Variants in RGS7 observed in about 807,000 individuals in gnomAD.
The protein encoded by RGS7 is regulator of G-protein signaling 7.
Under a neutral mutation model 81.1 loss-of-function variants are expected in RGS7, and 27 were observed. The observed-to-expected ratio is 0.33, with a 90% confidence interval of 0.25 to 0.46. RGS7 has a LOEUF of 0.46. Ranked by LOEUF, RGS7 falls within the 20% of genes least tolerant of loss-of-function variation. The probability of loss-of-function intolerance (pLI) is 1.00; values close to 1 mark genes in which losing one functional copy is unlikely to be tolerated. For synonymous variants in RGS7, 208 were observed against 207.7 expected (o/e 1.00, Z -0.01); for missense variants, 396 against 607.4 (o/e 0.65, Z 3.66).
chr1:241,124,706 C>T (rs562653258), intron 2 of RGS7, among the ~76,000 whole-genome samples: 8 of 152,272 alleles, frequency 5.3e-5, no homozygotes, highest in Non-Finnish European at 7.4e-5. Context: ...GCCCAGTGCA[C>T]GGGGCCCATT....
intron 2 of RGS7, among the ~76,000 whole-genome samples, chr1:241,352,493 T>A (rs769186511): frequency 5.3e-5 from 8 of 152,216 alleles, no homozygotes; most frequent in Non-Finnish European, 1.2e-4. Flanking sequence ...GGCAAATAAT[T>A]TGCCTATAAG....
At chr1:241,326,128 G>A (rs1032112034) in intron 2 of RGS7, among the ~76,000 whole-genome samples, 1 of 152,144 alleles carries the variant, frequency 6.6e-6, no homozygotes, top group Non-Finnish European at 1.5e-5. Context: ...CGCCTAGGAT[G>A]TGTACTCAAA....
chr1:241,244,663 T>C (rs1257148728), intron 2 of RGS7, among the ~76,000 whole-genome samples: 1 of 152,104 alleles, frequency 6.6e-6, no homozygotes, highest in Non-Finnish European at 1.5e-5. Flanking sequence ...ACACATATGT[T>C]TATTGTGGCA....
At chr1:240,778,607 A>G (rs1683395379) in intron 18 of RGS7, among the ~76,000 whole-genome samples, 1 of 152,184 alleles carries the variant, frequency 6.6e-6, no homozygotes, top group Admixed American at 6.5e-5. Context: ...ATCTCGGCTC[A>G]CTGCAACCTG....
intron 6 of RGS7, among the ~76,000 whole-genome samples, chr1:240,880,196 C>T (rs1666133442): frequency 6.6e-6 from 1 of 152,188 alleles, no homozygotes; most frequent in Non-Finnish European, 1.5e-5. Context: ...GCACATGCCA[C>T]CATGCCTGGC....
chr1:241,193,267 C>G (rs2147799939), intron 2 of RGS7, among the ~76,000 whole-genome samples: 1 of 152,300 alleles, frequency 6.6e-6, no homozygotes, highest in Middle Eastern at 3.4e-3. Context: ...TTATTCAAAC[C>G]TAATTCTCCC....
intron 3 of RGS7, among the ~76,000 whole-genome samples, chr1:241,004,006 G>A (rs571008826): frequency 3.2e-4 from 48 of 152,208 alleles, no homozygotes; most frequent in African/African-American, 1.1e-3. Flanking sequence ...CTGAGCCACC[G>A]TGCCCGGCCA....
intron 18 of RGS7, among the ~76,000 whole-genome samples, chr1:240,792,076 G>C (rs12411131): frequency 0.53 from 80,029 of 151,986 alleles, 23,553 homozygotes; most frequent in Non-Finnish European, 0.66. Context: ...ATGAGATTCA[G>C]ATCATTTTGA....
chr1:241,266,425 C>A (rs1012695730), intron 2 of RGS7, among the ~76,000 whole-genome samples: 9 of 152,160 alleles, frequency 5.9e-5, no homozygotes, highest in Non-Finnish European at 1.5e-5. Context: ...TTCGGTATTG[C>A]CAAGATCACA....
chr1:240,812,736 A>T (rs559455931), intron 13 of RGS7, among the ~76,000 whole-genome samples: 4 of 152,286 alleles, frequency 2.6e-5, no homozygotes, highest in African/African-American at 9.6e-5. Context: ...TGCCAGGCAC[A>T]CATTTCTTAA....
chr1:241,122,238 C>T (rs1265629727), intron 2 of RGS7, among the ~76,000 whole-genome samples: 5 of 152,136 alleles, frequency 3.3e-5, no homozygotes, highest in Admixed American at 2.6e-4. Context: ...GTAGTTAGTA[C>T]CTATACCTTC....
intron 9 of RGS7, among the ~76,000 whole-genome samples, chr1:240,830,813 C>G (rs1460420525): frequency 6.6e-6 from 1 of 152,130 alleles, no homozygotes; most frequent in African/African-American, 2.4e-5. Flanking sequence ...ACAAATGGCC[C>G]TGGAAATCGT....
chr1:241,018,792 A>G, intron 3 of RGS7, among the ~76,000 whole-genome samples: 1 of 152,034 alleles, frequency 6.6e-6, no homozygotes, highest in African/African-American at 2.4e-5. Flanking sequence ...ACTTCCATTC[A>G]TCGCTTCAGT....
chr1:241,166,575 T>C (rs532075047), intron 2 of RGS7, among the ~76,000 whole-genome samples: 13 of 152,172 alleles, frequency 8.5e-5, no homozygotes, highest in Non-Finnish European at 1.3e-4. Context: ...AGAAAGTGCC[T>C]TTAGCGATAA....
chr1:240,821,698 A>C (rs1691839651), intron 10 of RGS7, among the ~76,000 whole-genome samples: 1 of 152,234 alleles, frequency 6.6e-6, no homozygotes, highest in Non-Finnish European at 1.5e-5. Context: ...CAGACAGCTA[A>C]TTATACATTT....
At chr1:241,040,407 G>A (rs1038407456) in intron 3 of RGS7, among the ~76,000 whole-genome samples, 7 of 152,090 alleles carry the variant, frequency 4.6e-5, no homozygotes, top group Non-Finnish European at 1.0e-4. Flanking sequence ...TTTTTTCCAA[G>A]GTTCTCTTAC....
At chr1:241,136,031 G>A (rs1256423402) in intron 2 of RGS7, among the ~76,000 whole-genome samples, 1 of 151,208 alleles carries the variant, frequency 6.6e-6, no homozygotes, top group Non-Finnish European at 1.5e-5. Context: ...TTTGTTGACT[G>A]TGGACAATAA....
chr1:241,322,762 T>G (rs2081284871), intron 2 of RGS7, among the ~76,000 whole-genome samples: 2 of 152,220 alleles, frequency 1.3e-5, no homozygotes, highest in Non-Finnish European at 2.9e-5. Flanking sequence ...GAAATACTTT[T>G]AGATCATGGA....
chr1:241,135,859 G>A (rs566562196), intron 2 of RGS7, among the ~76,000 whole-genome samples: 2 of 150,372 alleles, frequency 1.3e-5, no homozygotes, highest in Non-Finnish European at 2.9e-5. Context: ...CACAACCTCC[G>A]CCTCCCGGGT....
Sources: gnomAD v4.1 joint callset for allele counts (sites outside exome capture counted in the v4.1 genomes callset) on GRCh38, gnomAD v4.1.1 for gene constraint, MANE v1.5 for transcripts, NCBI Gene and HGNC (gene_info 2026-07-23, HGNC 2026-07-21) for gene names.